The following FSTL4 variants were observed in gnomAD, a reference collection of about 807,000 sequenced individuals.
FSTL4 encodes the protein follistatin like 4.
FSTL4 carries 28 observed loss-of-function variants against 78.2 expected under a neutral mutation model. The observed-to-expected ratio is 0.36, with a 90% CI of 0.27 to 0.49. The LOEUF (loss-of-function observed/expected upper bound fraction) is 0.49, where lower values mean the gene tolerates loss of function less well. Among genes scored for constraint, FSTL4 ranks in the 20% least tolerant of loss-of-function variants. The probability of loss-of-function intolerance (pLI) is 0.98; values close to 1 mark genes in which losing one functional copy is unlikely to be tolerated. For missense variants in FSTL4, 922 were observed against 1,084.9 expected (o/e 0.85, Z 2.11); for synonymous variants, 422 against 440.5 (o/e 0.96, Z 0.53).
rs990034890 is a variant in FSTL4, at chr5:133,611,623, G to A, written c.-11+702C>T. On this transcript the variant is annotated intron_variant, in intron 1 of 15. Transcript: ENST00000265342. This position sits in a 1 kb window ranked among gnomAD's most constrained non-coding sequence, Gnocchi z 4.9. ...CACTGCTCCCTAGACACGTTCAAGC[G>A]GGTACCCCGGGCCGCTCACTCTGGA... is the stretch of plus-strand genomic sequence containing the variant. Among the ~76,000 whole-genome samples, 5 of 152,160 alleles carry A rather than the reference G, an allele frequency of 3.3e-5. No homozygotes were observed. In the East Asian group the frequency reaches 9.7e-4, roughly 29 times the overall value.
At chr5:133,305,688 A>C (rs1382035929) in intron 6 of FSTL4, among the ~76,000 whole-genome samples, 1 of 152,162 alleles carries the variant, frequency 6.6e-6, no homozygotes, top group African/African-American at 2.4e-5. Context: ...GTCTCTGCCC[A>C]GTGCTTCCCC....
chr5:133,441,928 T>C lies in FSTL4; in HGVS notation c.161-40942A>G, dbSNP rs949724706. Among the ~76,000 whole-genome samples the C allele has an allele frequency of 4.6e-5, 7 of 152,350 alleles. No homozygotes were observed. In the East Asian group the frequency reaches 1.2e-3, roughly 25 times the overall value. ...CTCTTTTCATGCCTCTGAATGGGTA[T>C]GGGTGGCCATGCTGCCAATCAACCA... On this transcript the variant is annotated intron_variant, in intron 3 of 15. Transcript: ENST00000265342.
chr5:133,398,779 A>C (rs1186755187), intron 4 of FSTL4, among the ~76,000 whole-genome samples: 1 of 152,192 alleles, frequency 6.6e-6, no homozygotes, highest in Admixed American at 6.6e-5. Flanking sequence ...ACAGCTGGGA[A>C]GTACCAGAAC....
intron 6 of FSTL4, among the ~76,000 whole-genome samples, chr5:133,252,630 AG>A (rs34841001): frequency 0.71 from 107,518 of 151,882 alleles, 39,300 homozygotes; most frequent in African/African-American, 0.88. Flanking sequence ...GAGACGAGGC[AG>A]GTCTGGTAGG....
At chr5:133,615,132 C>A (rs1435594583), upstream of FSTL4, among the ~76,000 whole-genome samples, 2 of 152,156 alleles carry the variant, frequency 1.3e-5, no homozygotes, top group African/African-American at 4.8e-5. Context: ...CCAGATCCAA[C>A]CAAAAGTATC....
At chr5:133,777,771 C>T in the FSTL4 span, among the ~76,000 whole-genome samples, 1 of 152,118 alleles carries the variant, frequency 6.6e-6, no homozygotes, top group Non-Finnish European at 1.5e-5. Flanking sequence ...ATAGTAGATC[C>T]TAATATGGCT....
intron 3 of FSTL4, among the ~76,000 whole-genome samples, chr5:133,533,752 C>T (rs1159990955): frequency 1.3e-5 from 2 of 152,184 alleles, no homozygotes; most frequent in East Asian, 1.9e-4. Context: ...TGAGTGCCCA[C>T]CCCAGAGCAG....
chr5:133,417,520 G>A (rs1177199270), intron 3 of FSTL4, among the ~76,000 whole-genome samples: 2 of 152,164 alleles, frequency 1.3e-5, no homozygotes, highest in Non-Finnish European at 2.9e-5. Context: ...CTCAATATCT[G>A]AAGCAAGGAA....
chr5:133,832,633 C>G, the FSTL4 span, among the ~76,000 whole-genome samples: 1 of 152,246 alleles, frequency 6.6e-6, no homozygotes, highest in African/African-American at 2.4e-5. Context: ...TTCCAGCTTT[C>G]CTCCCTACAT....
At chr5:133,676,872 T>A in the FSTL4 span, among the ~76,000 whole-genome samples, 1 of 152,212 alleles carries the variant, frequency 6.6e-6, no homozygotes, top group Non-Finnish European at 1.5e-5. Context: ...TTCTGTTGAG[T>A]CTTTTGATGT....
chr5:133,265,467 G>A (rs1054854795), intron 6 of FSTL4, among the ~76,000 whole-genome samples: 2 of 152,198 alleles, frequency 1.3e-5, no homozygotes, highest in Non-Finnish European at 2.9e-5. Context: ...TGCCTCTGGA[G>A]GTGACACAGG....
chr5:133,604,069 G>T (rs538498121), intron 1 of FSTL4, 76 bp from the exon 2 acceptor site: 3 of 1,068,390 alleles, frequency 2.8e-6, no homozygotes, highest in African/African-American at 1.5e-5. Flanking sequence ...GTTAGTATGT[G>T]TTCCCCAGAA....
chr5:133,631,508 G>C, the FSTL4 span, among the ~76,000 whole-genome samples: 1 of 152,188 alleles, frequency 6.6e-6, no homozygotes, highest in Non-Finnish European at 1.5e-5. Context: ...ACAGATGCTG[G>C]AGAGGATGTG....
chr5:133,502,294 G>T (rs1210729676), intron 3 of FSTL4, among the ~76,000 whole-genome samples: 1 of 152,198 alleles, frequency 6.6e-6, no homozygotes, highest in East Asian at 1.9e-4. Flanking sequence ...TCTGGCTGGT[G>T]GCAGAGGAGA....
chr5:133,840,438 G>T, the FSTL4 span, among the ~76,000 whole-genome samples: 2 of 152,180 alleles, frequency 1.3e-5, no homozygotes, highest in African/African-American at 4.8e-5. Context: ...ATAAAAAATG[G>T]AGGCAATAAA....
At chr5:133,719,944 T>C in the FSTL4 span, among the ~76,000 whole-genome samples, 1 of 152,180 alleles carries the variant, frequency 6.6e-6, no homozygotes, top group East Asian at 1.9e-4. Flanking sequence ...CACTTCACTT[T>C]CTTTATGAAC....
chr5:133,513,189 A>T (rs1289712710), intron 3 of FSTL4, among the ~76,000 whole-genome samples: 1 of 152,196 alleles, frequency 6.6e-6, no homozygotes, highest in Non-Finnish European at 1.5e-5. Flanking sequence ...CCTCTTCTGT[A>T]ACAGGCATTT....
chr5:133,417,481 T>C (rs1159274039), intron 3 of FSTL4, among the ~76,000 whole-genome samples: 1 of 152,080 alleles, frequency 6.6e-6, no homozygotes, highest in Non-Finnish European at 1.5e-5. Flanking sequence ...ATATATTGGC[T>C]AAAAATTTAC....
rs143530412 is a variant in FSTL4, at chr5:133,325,634, A to C, written c.410-8982T>G. ...TGGTGGGTCTGCTCTGAATGCCAACAAATGGGGTGAGGATCTCTCTTCCCA... is the reference window on the plus strand; with the variant it reads ...TGGTGGGTCTGCTCTGAATGCCAACCAATGGGGTGAGGATCTCTCTTCCCA... On this transcript the variant is annotated intron_variant, in intron 4 of 15. Transcript: ENST00000265342. Among the ~76,000 whole-genome samples the C allele has an allele frequency of 2.7e-3, 411 of 152,232 alleles. 2 individuals carry two copies. Among genetic ancestry groups the C allele is most frequent in the African/African-American group, 9.4e-3 (389 of 41,516 alleles).
Sources: allele counts gnomAD v4.1 joint callset (sites outside exome capture counted in the v4.1 genomes callset), GRCh38; gene constraint gnomAD v4.1.1; non-coding constraint Gnocchi (gnomAD v3.1); transcripts MANE v1.5; gene names NCBI Gene and HGNC (gene_info 2026-07-23, HGNC 2026-07-21).